ADAMTSL1: variants seen among roughly 807,000 people sequenced by gnomAD.
The protein encoded by ADAMTSL1 is ADAMTS-like protein 1.
A neutral mutation model predicts 201.8 loss-of-function variants in ADAMTSL1; 126 were observed. The observed-to-expected ratio is 0.62, with a 90% CI of 0.54 to 0.72. The LOEUF (loss-of-function observed/expected upper bound fraction) is 0.72, where lower values mean the gene tolerates loss of function less well. Among genes scored for constraint, ADAMTSL1 ranks in the 30% least tolerant of loss-of-function variants. The probability of loss-of-function intolerance (pLI) is 0.00; values close to 1 mark genes in which losing one functional copy is unlikely to be tolerated. For missense variants in ADAMTSL1, 2,679 were observed against 2,277.8 expected, an observed-to-expected ratio of 1.18 and a Z score of -3.59; for synonymous variants, 1,121 against 903.4, an observed-to-expected ratio of 1.24 and a Z score of -4.32.
intron 1 of ADAMTSL1, among the ~76,000 whole-genome samples, chr9:18,058,321 A>G (rs137925892): frequency 6.6e-6 from 1 of 152,270 alleles, no homozygotes; most frequent in East Asian, 1.9e-4. Flanking sequence ...GGGTACCTAA[A>G]TATAAGATTT....
intron 9 of ADAMTSL1, among the ~76,000 whole-genome samples, chr9:18,672,024 G>A (rs1246170536): frequency 6.6e-6 from 1 of 152,014 alleles, no homozygotes; most frequent in African/African-American, 2.4e-5. Flanking sequence ...GCGACAGAGT[G>A]AGACTCCATC....
chr9:18,902,177 C>T, intron 26 of ADAMTSL1, among the ~76,000 whole-genome samples: 1 of 152,050 alleles, frequency 6.6e-6, no homozygotes, highest in East Asian at 1.9e-4. Context: ...ACTTCAGAAA[C>T]CCACTTTCAA....
At chr9:18,670,889 C>T (rs1380508827) in intron 9 of ADAMTSL1, among the ~76,000 whole-genome samples, 2 of 151,594 alleles carry the variant, frequency 1.3e-5, no homozygotes, top group Non-Finnish European at 1.5e-5. Flanking sequence ...CCACAGATAC[C>T]AAAAGCCACA....
intron 2 of ADAMTSL1, among the ~76,000 whole-genome samples, chr9:18,219,015 A>G (rs1830153882): frequency 6.6e-6 from 1 of 152,018 alleles, no homozygotes. Context: ...GTAGTGCTAC[A>G]TCTGTCATAT....
Position 18,839,177 on chromosome 9 carries a change from C to T in ADAMTSL1, c.4249+9200C>T. Among the ~76,000 whole-genome samples, 3 of 116,618 alleles carry T rather than the reference C, an allele frequency of 2.6e-5. No individual in the cohort carries two copies. The Admixed American group carries it at 2.8e-4, about 11-fold the overall frequency. The allele number at this position is 116,618 out of a possible 152,430, so 76.5% of individuals were successfully genotyped here. On this transcript the variant is annotated intron_variant, in intron 23 of 28. Transcript: ENST00000380548. ...TTAGGTATATCTCCTAATGCTATCCCTCCCCCTCCCCCCACCCCACAACAG... is the reference window on the plus strand; with the variant it reads ...TTAGGTATATCTCCTAATGCTATCCTTCCCCCTCCCCCCACCCCACAACAG...
intron 2 of ADAMTSL1, among the ~76,000 whole-genome samples, chr9:18,515,428 A>G (rs974228195): frequency 6.6e-6 from 1 of 152,116 alleles, no homozygotes; most frequent in Non-Finnish European, 1.5e-5. Flanking sequence ...TTTGCCTCCC[A>G]GTTTCAAACC....
intron 2 of ADAMTSL1, among the ~76,000 whole-genome samples, chr9:18,416,539 T>A (rs1818683954): frequency 6.6e-6 from 1 of 151,864 alleles, no homozygotes; most frequent in Non-Finnish European, 1.5e-5. Flanking sequence ...ATATTTTAAA[T>A]AAAAAGACAC....
rs898797530 is a variant in ADAMTSL1 at position 18,653,704 on chromosome 9, A to T, written c.835-3935A>T. 5.9e-5 allele frequency among the ~76,000 whole-genome samples: 9 copies of T among 152,262 alleles called. No individual in the cohort carries two copies. In the East Asian group the frequency reaches 1.5e-3, roughly 26 times the overall value. On this transcript the variant is annotated intron_variant, in intron 7 of 28. Transcript: ENST00000380548. Reference sequence around the variant, plus strand: ...ATATGGAGGTCTGGAGTTCTAGAAAAACTAGAAAACTCTATAAGAAGTATA... The same window carrying T: ...ATATGGAGGTCTGGAGTTCTAGAAATACTAGAAAACTCTATAAGAAGTATA...
chr9:18,318,778 A>G (rs963970269), intron 2 of ADAMTSL1, among the ~76,000 whole-genome samples: 3 of 152,128 alleles, frequency 2.0e-5, no homozygotes, highest in African/African-American at 7.2e-5. Context: ...ATTCAGATTC[A>G]GCAAGTCTAA....
At chr9:18,303,182 C>A (rs73428945) in intron 2 of ADAMTSL1, among the ~76,000 whole-genome samples, 9,917 of 152,204 alleles carry the variant, frequency 0.065, 1,039 homozygotes, top group African/African-American at 0.22. Context: ...ATTTAGAGGA[C>A]TCAGGAAACC....
chr9:18,797,319 T>G (rs1822483491), intron 20 of ADAMTSL1, among the ~76,000 whole-genome samples: 2 of 152,236 alleles, frequency 1.3e-5, no homozygotes, highest in Non-Finnish European at 2.9e-5. Context: ...AGACTGTATT[T>G]GTACCCTTAC....
chr9:18,855,799 C>T lies in ADAMTSL1; in HGVS notation c.4249+25822C>T, dbSNP rs148077133. On this transcript the variant is annotated intron_variant, in intron 23 of 28. Transcript: ENST00000380548. Reference sequence around the variant, plus strand: ...GAGATAAGACCAAAAATTCATTCAACGCCCTGTCTAGAACCTGGCAGGGAC... The same window carrying T: ...GAGATAAGACCAAAAATTCATTCAATGCCCTGTCTAGAACCTGGCAGGGAC... 1.5e-3 allele frequency among the ~76,000 whole-genome samples: 230 copies of T among 152,282 alleles called. 1 individual carries two copies. The highest frequency in any genetic ancestry group is 4.9e-3 in the African/African-American group (204 of 41,554).
chr9:18,721,465 G>C, intron 14 of ADAMTSL1, 71 bp from the exon 15 acceptor site: 1 of 1,579,840 alleles, frequency 6.3e-7, no homozygotes, highest in Non-Finnish European at 8.6e-7. Context: ...CAGCTGCCTT[G>C]TCTACACTTC....
intron 15 of ADAMTSL1, among the ~76,000 whole-genome samples, chr9:18,740,115 G>T (rs190508055): frequency 3.5e-4 from 53 of 152,302 alleles, no homozygotes; most frequent in African/African-American, 1.2e-3. Context: ...CTTAAGCAGG[G>T]TTGAGGGCCT....
intron 2 of ADAMTSL1, among the ~76,000 whole-genome samples, chr9:18,388,151 A>T (rs7874157): frequency 1.3e-5 from 2 of 151,876 alleles, no homozygotes; most frequent in African/African-American, 4.8e-5. Flanking sequence ...CCTGAATTTT[A>T]CACATTTTTT....
intron 13 of ADAMTSL1, among the ~76,000 whole-genome samples, chr9:18,698,715 T>G (rs147886601): frequency 2.5e-4 from 38 of 152,302 alleles, no homozygotes; most frequent in African/African-American, 9.1e-4. Flanking sequence ...GGAAGAAGTA[T>G]TTCAAGAAGA....
intron 1 of ADAMTSL1, among the ~76,000 whole-genome samples, chr9:18,153,504 A>G (rs1230867822): frequency 1.3e-5 from 2 of 152,080 alleles, no homozygotes; most frequent in African/African-American, 4.8e-5. Context: ...AGTGGTGAGC[A>G]TGATAGCAGT....
intron 1 of ADAMTSL1, among the ~76,000 whole-genome samples, chr9:18,060,464 C>G (rs1486880806): frequency 1.3e-5 from 2 of 152,140 alleles, no homozygotes; most frequent in African/African-American, 2.4e-5. Context: ...GGGTCAGAGT[C>G]TGTATGATTA....
chr9:18,503,401 G>T (rs1822943112), intron 1 of ADAMTSL1, among the ~76,000 whole-genome samples: 1 of 90,418 alleles, frequency 1.1e-5, no homozygotes, highest in Middle Eastern at 7.0e-3. Context: ...CCTTTTTAAG[G>T]CTGAATAGTA....
Sources: gnomAD v4.1 joint callset for allele counts (sites outside exome capture counted in the v4.1 genomes callset) on GRCh38, gnomAD v4.1.1 for gene constraint, MANE v1.5 for transcripts, NCBI Gene and HGNC (gene_info 2026-07-23, HGNC 2026-07-21) for gene names.